MKLN1: variants seen among roughly 807,000 people sequenced by gnomAD.
The protein encoded by MKLN1 is muskelin.
A neutral mutation model predicts 99.0 loss-of-function variants in MKLN1; 18 were observed. The ratio of observed to expected loss-of-function variants is 0.18; its 90% CI spans 0.13 to 0.27. The LOEUF (loss-of-function observed/expected upper bound fraction) is 0.27. Among genes scored for constraint, MKLN1 ranks in the 10% least tolerant of loss-of-function variants. The pLI is 1.00. For missense variants in MKLN1, 621 were observed against 875.9 expected (o/e 0.71, Z 3.67); for synonymous variants, 288 against 293.2 (o/e 0.98, Z 0.18).
chr7:131,194,003 G>GTTT (rs71168387), intron 2 of MKLN1, among the ~76,000 whole-genome samples: 8 of 128,244 alleles, frequency 6.2e-5, no homozygotes, highest in South Asian at 2.5e-4. Flanking sequence ...GCTTTGTTTT[G>GTTT]TTTTTTTTTT....
intron 6 of MKLN1, 151 bp downstream of exon 6, chr7:131,399,584 C>A: frequency 1.6e-6 from 1 of 642,432 alleles, no homozygotes; most frequent in South Asian, 2.1e-5. Flanking sequence ...GGATTAGGGA[C>A]TTCTTTCATG....
intron 2 of MKLN1, among the ~76,000 whole-genome samples, chr7:131,165,764 C>T (rs374312748): frequency 6.6e-6 from 1 of 152,162 alleles, no homozygotes. Context: ...ATTGTTCTAG[C>T]GGCACCGGGT....
At chr7:131,271,385 G>A (rs1460265507) in intron 3 of MKLN1, among the ~76,000 whole-genome samples, 1 of 151,252 alleles carries the variant, frequency 6.6e-6, no homozygotes, top group Non-Finnish European at 1.5e-5. Flanking sequence ...TTGGGAGGCC[G>A]AGACAGGCAG....
At position 131,153,018 on chromosome 7, in the gene MKLN1, C is replaced by CATAT. The variant is rs370745053; in HGVS notation, c.-297+10090_-297+10093dup. Among the ~76,000 whole-genome samples the CATAT allele has an allele frequency of 2.8e-5, 4 of 141,020 alleles. No individual in the cohort carries two copies. The South Asian group carries it at 6.9e-4, about 24-fold the overall frequency. 92.5% of individuals were successfully genotyped at this position (141,020 alleles called of 152,430 possible). On this transcript the variant is annotated intron_variant, in intron 2 of 7. Transcript: ENST00000416992. ...TCCTCTGTACAGGCTTAATCAGATT[C>CATAT]ATATATATATATATATTTTTTTTTT...
intron 17 of MKLN1, among the ~76,000 whole-genome samples, chr7:131,479,751 C>A (rs1012191440): frequency 3.9e-5 from 6 of 151,930 alleles, no homozygotes; most frequent in African/African-American, 1.5e-4. Context: ...GGCGGTAACC[C>A]AGGAGGCAGA....
intron 1 of MKLN1, among the ~76,000 whole-genome samples, chr7:131,114,585 C>G (rs1300935118): frequency 1.3e-5 from 2 of 152,140 alleles, no homozygotes; most frequent in Non-Finnish European, 2.9e-5. Context: ...GGACCAGGAA[C>G]AAGTAGTTTC....
intron 1 of MKLN1, among the ~76,000 whole-genome samples, chr7:131,367,798 A>G (rs897662077): frequency 2.0e-5 from 3 of 152,214 alleles, no homozygotes; most frequent in Non-Finnish European, 4.4e-5. Flanking sequence ...AGCCAAGATT[A>G]GCAGTCATTG....
At position 131,411,906 on chromosome 7, in the gene MKLN1, C is replaced by CAAAAAAAAAAAAAAAAAAAAAAAA. The variant is rs34182914; in HGVS notation, c.781+531_781+554dup. Among the ~76,000 whole-genome samples, 19 of 53,102 alleles carry CAAAAAAAAAAAAAAAAAAAAAAAA rather than the reference C, an allele frequency of 3.6e-4. 2 individuals are homozygous for CAAAAAAAAAAAAAAAAAAAAAAAA. The highest frequency in any genetic ancestry group is 9.9e-4 in the South Asian group (1 of 1,010). The allele number at this position is 53,102 out of a possible 152,430, so 34.8% of individuals were successfully genotyped here. A position where few individuals can be genotyped will look rare whatever the true frequency, so the allele number is the denominator to read the frequency against. On this transcript the variant is annotated intron_variant, in intron 7 of 17. Coordinates refer to ENST00000352689, the MANE Select transcript of MKLN1 (RefSeq NM_013255.5). ...TGGGAGACAGATGGAGATTCCATCT[C>CAAAAAAAAAAAAAAAAAAAAAAAA]AAAAAAAAAAAAAAAAAAAAAAAAA...
chr7:131,132,410 C>T (rs1025372502), intron 1 of MKLN1, among the ~76,000 whole-genome samples: 1 of 152,184 alleles, frequency 6.6e-6, no homozygotes, highest in Non-Finnish European at 1.5e-5. Flanking sequence ...CAGAGGAGAG[C>T]AGCCAACTGG....
rs747739802 is a variant in MKLN1, at chr7:131,478,807, A to G, written c.2086+130A>G. On this transcript the variant is annotated intron_variant, in intron 17 of 17. Coordinates refer to ENST00000352689, the MANE Select transcript of MKLN1 (RefSeq NM_013255.5). ...AGATGAGCAAATGAAGTTTCAAGGT[A>G]TCATGCAAAATTTCTAATAACCTGC... 2.7e-6 allele frequency: 3 copies of G among 1,124,758 alleles called. No individual in the cohort carries two copies. The East Asian group carries it at 7.1e-5, about 26-fold the overall frequency. 69.7% of individuals were successfully genotyped at this position (1,124,758 alleles called of 1,614,324 possible). A position where few individuals can be genotyped will look rare whatever the true frequency, so the allele number is the denominator to read the frequency against.
At chr7:131,430,105 A>G (rs1445447236) in intron 9 of MKLN1, among the ~76,000 whole-genome samples, 1 of 152,178 alleles carries the variant, frequency 6.6e-6, no homozygotes, top group African/African-American at 2.4e-5. Context: ...CTGTTTCAGG[A>G]TATAAAGTGA....
chr7:131,390,438 G>A (rs542521989), intron 4 of MKLN1, among the ~76,000 whole-genome samples: 26 of 152,030 alleles, frequency 1.7e-4, no homozygotes, highest in Non-Finnish European at 3.7e-4. Flanking sequence ...AAGTATACAA[G>A]CAGTGGAAAT....
At chr7:131,348,232 G>A (rs1013094898) in intron 1 of MKLN1, among the ~76,000 whole-genome samples, 14 of 152,094 alleles carry the variant, frequency 9.2e-5, no homozygotes, top group Non-Finnish European at 1.9e-4. Context: ...CATTAAAACA[G>A]CCTTGCCTAT....
At chr7:131,387,029 T>C in intron 2 of MKLN1, 91 bp from the exon 3 acceptor site, 2 of 1,215,364 alleles carry the variant, frequency 1.6e-6, no homozygotes, top group Non-Finnish European at 2.3e-6. Context: ...ATGGACCTTA[T>C]ACATTCTTCT....
At chr7:131,452,426 C>T (rs1312724371) in intron 12 of MKLN1, among the ~76,000 whole-genome samples, 1 of 151,774 alleles carries the variant, frequency 6.6e-6, no homozygotes, top group East Asian at 1.9e-4. Flanking sequence ...TTTATGAAAA[C>T]CTTAAAAGCA....
At chr7:131,377,624 CCTT>C (rs762784666) in intron 2 of MKLN1, among the ~76,000 whole-genome samples, 3 of 152,116 alleles carry the variant, frequency 2.0e-5, no homozygotes, top group South Asian at 2.1e-4. Flanking sequence ...ACTATGATAA[CCTT>C]ATTATTTTGA....
At chr7:131,299,513 TAATAG>T (rs781568724) in intron 3 of MKLN1, among the ~76,000 whole-genome samples, 47 of 152,336 alleles carry the variant, frequency 3.1e-4, no homozygotes, top group Non-Finnish European at 4.7e-4. Flanking sequence ...CTTTTAAAAC[TAATAG>T]AATATCTCAT....
At chr7:131,461,218 C>T (rs1284736500) in intron 12 of MKLN1, among the ~76,000 whole-genome samples, 1 of 150,118 alleles carries the variant, frequency 6.7e-6, no homozygotes, top group Non-Finnish European at 1.5e-5. Context: ...GTCTTCAATA[C>T]AGATGCAACC....
intron 2 of MKLN1, among the ~76,000 whole-genome samples, chr7:131,383,555 T>A (rs1156836290): frequency 6.6e-6 from 1 of 152,234 alleles, no homozygotes; most frequent in African/African-American, 2.4e-5. Flanking sequence ...TGAACCACTG[T>A]TGTTTTAAGA....
Sources: gnomAD v4.1 joint callset for allele counts (sites outside exome capture counted in the v4.1 genomes callset) on GRCh38, gnomAD v4.1.1 for gene constraint, MANE v1.5 for transcripts, NCBI Gene and HGNC (gene_info 2026-07-23, HGNC 2026-07-21) for gene names.